Variants in PKIA observed in about 807,000 individuals in gnomAD.
PKIA encodes cAMP-dependent protein kinase inhibitor alpha, also known as PKI-alpha.
PKIA carries 4 observed loss-of-function variants against 7.6 expected under a neutral mutation model. The observed-to-expected ratio is 0.52, with a 90% CI of 0.26 to 1.20. The LOEUF (loss-of-function observed/expected upper bound fraction) is 1.20, where lower values mean the gene tolerates loss of function less well. Ranked by LOEUF, PKIA falls within the 50% of genes most tolerant of loss-of-function variation. The pLI, the probability that PKIA is intolerant of heterozygous loss-of-function variation, is 0.13. For missense variants in PKIA, 73 were observed against 86.2 expected (o/e 0.85, Z 0.61); for synonymous variants, 21 against 30.7 (o/e 0.68, Z 1.04).
intron 2 of PKIA, among the ~76,000 whole-genome samples, chr8:78,590,976 T>C (rs757897779): frequency 6.6e-6 from 1 of 152,236 alleles, no homozygotes; most frequent in Non-Finnish European, 1.5e-5. Context: ...TGAGAAGTTA[T>C]ATAATTGCAT....
intron 2 of PKIA, among the ~76,000 whole-genome samples, chr8:78,575,647 G>T (rs187737998): frequency 6.6e-6 from 1 of 151,974 alleles, no homozygotes; most frequent in African/African-American, 2.4e-5. Context: ...GATTAGAACT[G>T]CTGGGTCATG....
At chr8:78,546,115 C>G (rs1806815288) in intron 1 of PKIA, among the ~76,000 whole-genome samples, 1 of 152,158 alleles carries the variant, frequency 6.6e-6, no homozygotes, top group African/African-American at 2.4e-5. Context: ...AAATCCATGG[C>G]TTTGTCGAAT....
At chr8:78,597,074 G>A (rs1808240588) in intron 2 of PKIA, among the ~76,000 whole-genome samples, 1 of 152,110 alleles carries the variant, frequency 6.6e-6, no homozygotes, top group African/African-American at 2.4e-5. Context: ...GCTGTTTTAG[G>A]TTCCCATAGC....
intron 2 of PKIA, among the ~76,000 whole-genome samples, chr8:78,583,570 G>T (rs1807872949): frequency 6.6e-6 from 1 of 152,104 alleles, no homozygotes; most frequent in African/African-American, 2.4e-5. Context: ...AAAAATTGGT[G>T]AGAGCATTTT....
At chr8:78,535,664 G>A (rs1046100234) in intron 1 of PKIA, 2 of 152,056 alleles carry the variant, frequency 1.3e-5, no homozygotes, top group Admixed American at 6.6e-5. Context: ...GGAACCTATC[G>A]AAAGTACATT....
chr8:78,518,996 T>C (rs544345383), intron 1 of PKIA, among the ~76,000 whole-genome samples: 29 of 152,298 alleles, frequency 1.9e-4, no homozygotes, highest in African/African-American at 6.7e-4. Flanking sequence ...CTTTATATCC[T>C]TTCCTTAAAA....
chr8:78,581,224 C>G (rs1352901309), intron 2 of PKIA, among the ~76,000 whole-genome samples: 1 of 151,918 alleles, frequency 6.6e-6, no homozygotes, highest in Non-Finnish European at 1.5e-5. Context: ...GACATATTGG[C>G]CAAATTGAAA....
chr8:78,521,874 C>CA (rs1208581690), intron 1 of PKIA, among the ~76,000 whole-genome samples: 1 of 151,954 alleles, frequency 6.6e-6, no homozygotes, highest in African/African-American at 2.4e-5. Context: ...TTCATTTCCT[C>CA]AGCCCCTGGT....
Position 78,601,946 on chromosome 8 carries a change from G to C in PKIA, c.*125G>C, listed in dbSNP as rs1808359279. ...TGGCTGTGCTGCATTGCAGGAACCT[G>C]CTCATTATCATGTTAAAAATGAGGG... On this transcript the variant is annotated 3_prime_UTR_variant, in exon 4 of 4. Coordinates refer to ENST00000396418, the MANE Select transcript of PKIA (RefSeq NM_006823.4). 2 of 710,176 alleles carry C rather than the reference G, an allele frequency of 2.8e-6. No homozygotes were observed. The highest frequency in any genetic ancestry group is 4.7e-6 in the Non-Finnish European group (2 of 422,782). The allele number at this position is 710,176 out of a possible 1,614,324, so 44.0% of individuals were successfully genotyped here. A position where few individuals can be genotyped will look rare whatever the true frequency, so the allele number is the denominator to read the frequency against.
intron 2 of PKIA, among the ~76,000 whole-genome samples, chr8:78,589,079 T>C (rs573816913): frequency 7.0e-4 from 107 of 152,062 alleles, no homozygotes; most frequent in East Asian, 1.9e-4. Flanking sequence ...AGGAAGAAGA[T>C]AGAATCAAGA....
intron 2 of PKIA, among the ~76,000 whole-genome samples, chr8:78,598,002 A>G (rs965678661): frequency 6.6e-6 from 1 of 151,288 alleles, no homozygotes; most frequent in Non-Finnish European, 1.5e-5. Flanking sequence ...GTAGCTAAAA[A>G]CTGAGTACAA....
intron 2 of PKIA, among the ~76,000 whole-genome samples, chr8:78,579,264 G>C (rs1807749710): frequency 6.6e-6 from 1 of 151,946 alleles, no homozygotes; most frequent in African/African-American, 2.4e-5. Context: ...TTTATAACAA[G>C]TACAATAGCC....
chr8:78,548,404 G>A (rs143398563), intron 1 of PKIA, among the ~76,000 whole-genome samples: 10 of 152,158 alleles, frequency 6.6e-5, no homozygotes, highest in Non-Finnish European at 1.5e-5. Flanking sequence ...TTAGTAATGT[G>A]GAGTTAATAA....
chr8:78,516,485 CG>C lies in PKIA; in HGVS notation c.-157+19del, dbSNP rs1809317170. 1 of 152,260 alleles carries C rather than the reference CG, an allele frequency of 6.6e-6. No individual in the cohort carries two copies. The highest frequency in any genetic ancestry group is 2.4e-5 in the African/African-American group (1 of 41,440). The allele number at this position is 152,260 out of a possible 1,614,324, so 9.4% of individuals were successfully genotyped here. ...CCGGGGAAGGTAAGCAGCCCGGCAC[CG>C]GTGCGCCCTGGCCGCACTGCGTGGA... is the stretch of plus-strand genomic sequence containing the variant. On this transcript the variant is annotated intron_variant, in intron 1 of 3. Transcript: ENST00000396418.
chr8:78,545,817 G>A (rs1214947371), intron 1 of PKIA, among the ~76,000 whole-genome samples: 1 of 152,056 alleles, frequency 6.6e-6, no homozygotes, highest in African/African-American at 2.4e-5. Context: ...AATACTGATA[G>A]CATCAATAGA....
chr8:78,530,245 G>A (rs1413167344), intron 1 of PKIA, among the ~76,000 whole-genome samples: 1 of 152,028 alleles, frequency 6.6e-6, no homozygotes, highest in African/African-American at 2.4e-5. Flanking sequence ...ATGAAATGTA[G>A]TAATTTGCTC....
At chr8:78,585,499 G>A (rs1006967600) in intron 2 of PKIA, among the ~76,000 whole-genome samples, 3 of 151,956 alleles carry the variant, frequency 2.0e-5, no homozygotes, top group South Asian at 2.1e-4. Flanking sequence ...TTCTAACAAC[G>A]TTCAGACATG....
At chr8:78,580,584 T>C (rs1413850453) in intron 2 of PKIA, among the ~76,000 whole-genome samples, 1 of 151,946 alleles carries the variant, frequency 6.6e-6, no homozygotes, top group African/African-American at 2.4e-5. Flanking sequence ...TTGAAAGTTA[T>C]TGGAAGGAGA....
intron 1 of PKIA, among the ~76,000 whole-genome samples, chr8:78,524,127 T>C (rs1425006730): frequency 7.4e-6 from 1 of 134,328 alleles, no homozygotes; most frequent in Non-Finnish European, 1.5e-5. Flanking sequence ...TAAACATTTA[T>C]ATTTATATAT....
Sources: gnomAD v4.1 joint callset for allele counts (sites outside exome capture counted in the v4.1 genomes callset) on GRCh38, gnomAD v4.1.1 for gene constraint, MANE v1.5 for transcripts, NCBI Gene and HGNC (gene_info 2026-07-23, HGNC 2026-07-21) for gene names.